PANX2: variants seen among roughly 807,000 people sequenced by gnomAD.
PANX2 encodes pannexin-2.
A neutral mutation model predicts 38.7 loss-of-function variants in PANX2; 30 were observed. The observed-to-expected ratio is 0.78, with a 90% CI of 0.58 to 1.05. The LOEUF (loss-of-function observed/expected upper bound fraction) is 1.05, where lower values mean the gene tolerates loss of function less well. PANX2 is among the 50% of genes least tolerant of loss of function. PANX2 has a pLI of 0.00. For synonymous variants in PANX2, 539 were observed against 472.1 expected, an observed-to-expected ratio of 1.14 and a Z score of -1.84; for missense variants, 880 against 979.3, an observed-to-expected ratio of 0.90 and a Z score of 1.35.
In PANX2 at chr22:50,178,153, G is replaced by T. The variant is rs1247377779; in HGVS notation, c.1441G>T (p.Ala481Ser). Residue 481 changes from alanine (A) to serine (S), a missense_variant, in exon 2 of 3, where the codon GCC becomes TCC. This residue lies in a region of PANX2 where 445 missense variants were observed against 404.3 expected (regional missense o/e 1.10). Coordinates refer to ENST00000395842, the MANE Select transcript of PANX2 (RefSeq NM_052839.4). ...TLIAPLLDRS[A>S]HHYKGGGGDP... ...GATCGCGCCGCTGCTGGACCGCTCC[G>T]CCCACCACTACAAGGGCGGAGGGGG... 8.6e-6 allele frequency: 13 copies of T among 1,517,732 alleles called. No individual in the cohort carries two copies. In the South Asian group the frequency reaches 8.6e-5, roughly 10 times the overall value. 94.0% of individuals were successfully genotyped at this position (1,517,732 alleles called of 1,614,324 possible). A position where few individuals can be genotyped will look rare whatever the true frequency, so the allele number is the denominator to read the frequency against.
intron 1 of PANX2, among the ~76,000 whole-genome samples, chr22:50,172,127 G>A (rs1027234937): frequency 6.6e-6 from 1 of 152,242 alleles, no homozygotes; most frequent in Non-Finnish European, 1.5e-5. Context: ...CAGGCGTGCG[G>A]TGGGGCCTTG....
chr22:50,176,253 G>C (rs1338891059), intron 1 of PANX2, among the ~76,000 whole-genome samples: 1 of 152,270 alleles, frequency 6.6e-6, no homozygotes, highest in African/African-American at 2.4e-5. Flanking sequence ...ACAGAGTTCA[G>C]TAACGACCAT....
chr22:50,179,337 C>T lies in PANX2; in HGVS notation c.*60C>T. 1 of 1,457,492 alleles carries T rather than the reference C, an allele frequency of 6.9e-7. No individual in the cohort carries two copies. The highest frequency in any genetic ancestry group is 1.8e-5 in the Admixed American group (1 of 55,934). 90.3% of individuals were successfully genotyped at this position (1,457,492 alleles called of 1,614,324 possible). The stretch of plus-strand genomic sequence containing the variant: ...TGCCTGTGTCGTGTGGCCTGGCCAG[C>T]CTCCCGGTGGACACCAGCCCTGCGT... On this transcript the variant is annotated 3_prime_UTR_variant, in exon 3 of 3. Transcript: ENST00000395842.
intron 1 of PANX2, among the ~76,000 whole-genome samples, chr22:50,171,522 C>T (rs2063631641): frequency 6.6e-6 from 1 of 152,182 alleles, no homozygotes; most frequent in African/African-American, 2.4e-5. Context: ...TAGCATGGGG[C>T]AGGGCCACGT....
intron 1 of PANX2, among the ~76,000 whole-genome samples, chr22:50,172,141 CAGG>C (rs2063635804): frequency 1.3e-5 from 2 of 152,190 alleles, no homozygotes; most frequent in African/African-American, 4.8e-5. Context: ...GGCCTTGGGG[CAGG>C]CCCAGCATGT....
In PANX2 at chr22:50,179,448, G is replaced by A. The variant is rs2063686567; in HGVS notation, c.*171G>A. ...GGCCTTCGCCCCCACGTGCTCGACAGGGGAACCCGCCCGGACGGCATCGCC... is the reference window on the plus strand; with the variant it reads ...GGCCTTCGCCCCCACGTGCTCGACAAGGGAACCCGCCCGGACGGCATCGCC... On this transcript the variant is annotated 3_prime_UTR_variant, in exon 3 of 3. Coordinates refer to ENST00000395842, the MANE Select transcript of PANX2 (RefSeq NM_052839.4). 2 of 637,564 alleles carry A rather than the reference G, an allele frequency of 3.1e-6. No homozygotes were observed. The highest frequency in any genetic ancestry group is 2.7e-6 in the Non-Finnish European group (1 of 375,956). 39.5% of individuals were successfully genotyped at this position (637,564 alleles called of 1,614,324 possible). A position where few individuals can be genotyped will look rare whatever the true frequency, so the allele number is the denominator to read the frequency against.
intron 1 of PANX2, among the ~76,000 whole-genome samples, chr22:50,171,313 C>T (rs1322511149): frequency 6.6e-6 from 1 of 152,154 alleles, no homozygotes; most frequent in Non-Finnish European, 1.5e-5. Flanking sequence ...AGGTGGGGAC[C>T]AGGAAAGGCC....
chr22:50,175,370 G>A, intron 1 of PANX2: 1 of 872,570 alleles, frequency 1.1e-6, no homozygotes, highest in South Asian at 1.6e-5. Flanking sequence ...CAGCAAGGGT[G>A]GCTGCCAGGG....
intron 1 of PANX2, among the ~76,000 whole-genome samples, chr22:50,174,298 G>C (rs1473455947): frequency 6.6e-6 from 1 of 151,878 alleles, no homozygotes; most frequent in African/African-American, 2.4e-5. Context: ...GCAGGGGTGG[G>C]CTGGAGATGA....
Position 50,176,944 on chromosome 22 carries a change from C to T in PANX2, c.232C>T (p.Pro78Ser). The T allele has an allele frequency of 6.6e-7, 1 of 1,526,366 alleles. No homozygotes were observed. Among genetic ancestry groups the T allele is most frequent in the Non-Finnish European group, 8.7e-7 (1 of 1,143,894 alleles). 94.6% of individuals were successfully genotyped at this position (1,526,366 alleles called of 1,614,324 possible). A position where few individuals can be genotyped will look rare whatever the true frequency, so the allele number is the denominator to read the frequency against. Residue 78 changes from proline (P) to serine (S), a missense_variant, in exon 2 of 3, where the codon CCC becomes TCC. Physicochemically the swap from Pro to Ser is moderately conservative, Grantham distance 74. Transcript: ENST00000395842. ...TGTCTCCTCTTTGCCCCCAGAGGAA[C>T]CCATTTACTGTTACACCCCGCACAA... ...LVFTKNFAEE[P>S]IYCYTPHNFT...
In PANX2 at chr22:50,179,358, T is replaced by C. The variant is rs1258237434; in HGVS notation, c.*81T>C. On this transcript the variant is annotated 3_prime_UTR_variant, in exon 3 of 3. Transcript: ENST00000395842. ...CCAGCCTCCCGGTGGACACCAGCCC[T>C]GCGTGGACGTGGCCTGTGCTTCGCC... 6.3e-6 allele frequency: 8 copies of C among 1,263,822 alleles called. No individual in the cohort carries two copies. Among genetic ancestry groups the C allele is most frequent in the Non-Finnish European group, 6.7e-6 (6 of 892,558 alleles). 78.3% of individuals were successfully genotyped at this position (1,263,822 alleles called of 1,614,324 possible).
Position 50,177,998 on chromosome 22 carries a change from A to T in PANX2, c.1286A>T (p.Lys429Met). The T allele has an allele frequency of 6.5e-7, 1 of 1,541,778 alleles. No individual in the cohort carries two copies. The highest frequency in any genetic ancestry group is 8.7e-7 in the Non-Finnish European group (1 of 1,148,654). Residue 429 changes from lysine to methionine, a missense_variant, in exon 2 of 3, where the codon AAG becomes ATG. Transcript: ENST00000395842. ...CCCGTGGTCAAGCGGCCGCGCAAGA[A>T]GATGAAGTGGATCCCCACCAGCAAC... is the stretch of plus-strand genomic sequence containing the variant. ...EPPVVKRPRK[K>M]MKWIPTSNPL...
Position 50,177,695 on chromosome 22 carries a change from T to C in PANX2, c.983T>C (p.Val328Ala). 6.2e-7 allele frequency: 1 copy of C among 1,611,784 alleles called. No individual in the cohort carries two copies. The highest frequency in any genetic ancestry group is 8.5e-7 in the Non-Finnish European group (1 of 1,179,874). Residue 328 changes from valine (V) to alanine (A), a missense_variant, in exon 2 of 3, where the codon GTG (valine) becomes GCG (alanine). Physicochemically the swap from Val to Ala is moderately conservative, Grantham distance 64. Coordinates refer to ENST00000395842, the MANE Select transcript of PANX2 (RefSeq NM_052839.4). ...TTCATCTTCGACAAGCTGCACAAGG[T>C]GGGCATCAAGACGCGCCGGCAGTGG... ...SNFIFDKLHKVGIKTRRQWRR... is the reference protein window; with the variant it reads ...SNFIFDKLHKAGIKTRRQWRR...
rs376326556 is a variant in PANX2 at position 50,179,165 on chromosome 22, G to A, written c.1922G>A (p.Gly641Asp). 1,116 of 1,604,374 alleles carry A rather than the reference G, an allele frequency of 7.0e-4. 1 individual carries two copies. The highest frequency in any genetic ancestry group is 6.4e-4 in the Non-Finnish European group (758 of 1,176,836). Residue 641 changes from glycine (G) to aspartate (D), a missense_variant, in exon 3 of 3, where the codon GGC becomes GAC. Gly to Asp is a moderately conservative substitution (Grantham distance 94, BLOSUM62 -1). Coordinates refer to ENST00000395842, the MANE Select transcript of PANX2 (RefSeq NM_052839.4). ...GAGGCCCGGGAGGAGGAGGACGGGG[G>A]CCCCCGCCTGCCGCAGGACGTGGGG... The part of the protein sequence containing the change: ...LYEAREEEDG[G>D]PRLPQDVGDL...
At position 50,177,126 on chromosome 22, in the gene PANX2, C is replaced by A. The variant is rs769652627; in HGVS notation, c.414C>A (p.Pro138=). 1 of 1,608,314 alleles carries A rather than the reference C, an allele frequency of 6.2e-7. No individual in the cohort carries two copies. The highest frequency in any genetic ancestry group is 1.1e-5 in the South Asian group (1 of 90,408). The change falls in exon 2 of 3, where the codon CCC becomes CCA. Residue 138 remains proline (P), a synonymous_variant. Coordinates refer to ENST00000395842, the MANE Select transcript of PANX2 (RefSeq NM_052839.4). The part of the protein sequence containing the change: ...LLAFAAIMYV[P]ALGWEFLAST... Reference sequence around the variant, plus strand: ...CCTTCGCCGCCATCATGTACGTGCCCGCGCTGGGCTGGGAGTTCCTGGCCT... The same window carrying A: ...CCTTCGCCGCCATCATGTACGTGCCAGCGCTGGGCTGGGAGTTCCTGGCCT...
rs1438384964 is a variant in PANX2, at chr22:50,178,251, C to T, written c.1539C>T (p.Phe513=). 2.9e-6 allele frequency: 4 copies of T among 1,399,494 alleles called. No homozygotes were observed. Among genetic ancestry groups the T allele is most frequent in the Non-Finnish European group, 3.8e-6 (4 of 1,062,606 alleles). The allele number at this position is 1,399,494 out of a possible 1,614,324, so 86.7% of individuals were successfully genotyped here. The part of the protein sequence containing the change: ...PAPDKKHARH[F]SLDVHPYILG... ...CTGACAAGAAGCACGCGCGCCACTT[C>T]TCCCTGGACGTGCACCCCTACATCC... is the stretch of plus-strand genomic sequence containing the variant. Residue 513 remains phenylalanine (F), a synonymous_variant, in exon 2 of 3, where the codon TTC becomes TTT. Transcript: ENST00000395842.
chr22:50,173,861 C>T (rs2147059547), intron 1 of PANX2, among the ~76,000 whole-genome samples: 1 of 152,370 alleles, frequency 6.6e-6, no homozygotes, highest in Middle Eastern at 3.4e-3. Context: ...CTCACATCTC[C>T]TCCCTGACTC....
chr22:50,175,509 C>T, intron 1 of PANX2: 1 of 1,201,986 alleles, frequency 8.3e-7, no homozygotes, highest in Non-Finnish European at 1.1e-6. Flanking sequence ...ATTTTCTCAA[C>T]CAAGAGAGTG....
At chr22:50,171,582 G>T (rs1048850071) in intron 1 of PANX2, among the ~76,000 whole-genome samples, 6 of 152,274 alleles carry the variant, frequency 3.9e-5, no homozygotes, top group South Asian at 4.1e-4. Flanking sequence ...GGCTGGACCA[G>T]GGCAGGGACC....
Sources: gnomAD v4.1 joint callset for allele counts (sites outside exome capture counted in the v4.1 genomes callset) on GRCh38, gnomAD v4.1.1 for gene constraint, gnomAD v4.1.1 regional missense constraint, MANE v1.5 for transcripts, NCBI Gene and HGNC (gene_info 2026-07-23, HGNC 2026-07-21) for gene names.